Variants in FRMPD4 observed in about 807,000 individuals in gnomAD.
FRMPD4 encodes the protein FERM and PDZ domain containing 4, also known as FERM and PDZ domain-containing protein 4.
FRMPD4 carries 22 observed loss-of-function variants against 94.1 expected under a neutral mutation model. The ratio of observed to expected loss-of-function variants is 0.23; its 90% CI spans 0.17 to 0.33. The LOEUF is 0.33. Among genes scored for constraint, FRMPD4 ranks in the 10% least tolerant of loss-of-function variants. The pLI, the probability that FRMPD4 is intolerant of heterozygous loss-of-function variation, is 1.00. For missense variants in FRMPD4, 1,111 were observed against 1,339.9 expected, an observed-to-expected ratio of 0.83 and a Z score of 2.67; for synonymous variants, 631 against 548.6, an observed-to-expected ratio of 1.15 and a Z score of -2.10.
intron 1 of FRMPD4, among the ~76,000 whole-genome samples, chrX:12,211,108 A>G (rs2056751423): frequency 8.9e-6 from 1 of 112,352 alleles, no homozygotes; most frequent in Non-Finnish European, 1.9e-5. Flanking sequence ...ATGTAATATG[A>G]CAGAGTTGGA....
At chrX:11,949,012 C>T (rs1009384301) in intron 3 of FRMPD4, among the ~76,000 whole-genome samples, 2 of 111,979 alleles carry the variant, frequency 1.8e-5, no homozygotes, top group Admixed American at 1.9e-4. Context: ...CACATGAGGG[C>T]TTTGCTTAGC....
Position 12,718,300 on chromosome X carries a change from T to C in FRMPD4, c.3474T>C (p.Ser1158=). Reference sequence around the variant, plus strand: ...TCTTAACTGACGTGACCTGTGCATCTTCAGCCAAAGACTTAGATAACCCAG... The same window carrying C: ...TCTTAACTGACGTGACCTGTGCATCCTCAGCCAAAGACTTAGATAACCCAG... ...DRFLTDVTCA[S]SAKDLDNPED... is the part of the protein sequence containing the mutation. Residue 1158 remains serine (S), a synonymous_variant, in exon 16 of 17, where the codon TCT becomes TCC. Transcript: ENST00000675598. The C allele has an allele frequency of 1.7e-5, 20 of 1,211,382 alleles. No individual in the cohort carries two copies. The highest frequency in any genetic ancestry group is 2.2e-5 in the Non-Finnish European group (20 of 894,986).
At chrX:12,685,171 T>C (rs2060008689) in intron 6 of FRMPD4, among the ~76,000 whole-genome samples, 1 of 111,898 alleles carries the variant, frequency 8.9e-6, no homozygotes, top group South Asian at 3.7e-4. Context: ...AGGGACTGAA[T>C]TCTCTCTGAC....
At chrX:12,571,976 TA>T (rs2058764768) in intron 2 of FRMPD4, among the ~76,000 whole-genome samples, 1 of 112,178 alleles carries the variant, frequency 8.9e-6, no homozygotes, top group East Asian at 2.8e-4. Context: ...AAGGAAAACA[TA>T]AGATTAATTG....
At position 11,988,577 on chromosome X, in the gene FRMPD4, CA is replaced by C. The variant is rs200411054; in HGVS notation, c.95+110561del. Among the ~76,000 whole-genome samples the C allele has an allele frequency of 4.9e-4, 54 of 110,635 alleles. No homozygotes were observed. The East Asian group carries it at 0.014, about 29-fold the overall frequency. On this transcript the variant is annotated intron_variant, in intron 3 of 18. Transcript: ENST00000640291. ...GGGTGATACCAACAAGCACAGGCAACAACCAAAGCAAAAATGGACAAATGAG... is the reference window on the plus strand; with the variant it reads ...GGGTGATACCAACAAGCACAGGCAACACCAAAGCAAAAATGGACAAATGAG...
chrX:12,107,334 G>A (rs1209991816), intron 3 of FRMPD4, among the ~76,000 whole-genome samples: 2 of 112,181 alleles, frequency 1.8e-5, no homozygotes, highest in African/African-American at 6.5e-5. Context: ...CTGCAGCTGA[G>A]GGTCATGACT....
At chrX:12,182,581 T>TAAATAAATAA (rs199773710) in intron 1 of FRMPD4, among the ~76,000 whole-genome samples, 6 of 94,923 alleles carry the variant, frequency 6.3e-5, no homozygotes, top group African/African-American at 1.8e-4. Context: ...TAAATAAATA[T>TAAATAAATAA]ATATATATAT....
intron 2 of FRMPD4, among the ~76,000 whole-genome samples, chrX:12,598,937 C>G (rs1019002804): frequency 8.9e-6 from 1 of 111,802 alleles, no homozygotes; most frequent in Non-Finnish European, 1.9e-5. Context: ...ATCAACTCTC[C>G]AAAAATATCT....
At chrX:12,257,930 T>C (rs957594373) in intron 1 of FRMPD4, among the ~76,000 whole-genome samples, 2 of 109,697 alleles carry the variant, frequency 1.8e-5, no homozygotes, top group African/African-American at 6.6e-5. Flanking sequence ...CCTACTCTTA[T>C]TCCTCTTTTG....
intron 1 of FRMPD4, among the ~76,000 whole-genome samples, chrX:12,218,381 TG>T (rs2056829637): frequency 9.0e-6 from 1 of 111,581 alleles, no homozygotes; most frequent in Admixed American, 9.5e-5. Context: ...AGCATGGGCT[TG>T]GGGGTGGTAG....
At chrX:12,558,677 A>G (rs111333510) in intron 2 of FRMPD4, among the ~76,000 whole-genome samples, 42 of 112,099 alleles carry the variant, frequency 3.7e-4, no homozygotes, top group African/African-American at 1.3e-3. Context: ...TCCACATGAA[A>G]AGGCTAAGCA....
chrX:11,985,951 C>T (rs2054427135), intron 3 of FRMPD4, among the ~76,000 whole-genome samples: 1 of 112,538 alleles, frequency 8.9e-6, no homozygotes, highest in African/African-American at 3.2e-5. Context: ...CTGGACTTGC[C>T]TGGGGCCTGG....
intron 4 of FRMPD4, among the ~76,000 whole-genome samples, chrX:12,663,977 G>A: frequency 8.9e-6 from 1 of 112,033 alleles, no homozygotes; most frequent in Non-Finnish European, 1.9e-5. Context: ...GTGAATGGGA[G>A]TTCACTCATG....
At chrX:12,373,199 G>T (rs1178722572) in intron 1 of FRMPD4, 1 of 112,500 alleles carries the variant, frequency 8.9e-6, no homozygotes, top group African/African-American at 3.2e-5. Context: ...CACCCAGTTT[G>T]CTCTGTGTGT....
At chrX:12,006,545 G>T (rs1006989568) in intron 3 of FRMPD4, among the ~76,000 whole-genome samples, 1 of 111,920 alleles carries the variant, frequency 8.9e-6, no homozygotes, top group Non-Finnish European at 1.9e-5. Context: ...ATGCATAGTT[G>T]GAAATGTCAT....
chrX:12,530,491 G>A (rs2058273505), intron 2 of FRMPD4, among the ~76,000 whole-genome samples: 1 of 111,468 alleles, frequency 9.0e-6, no homozygotes, highest in Non-Finnish European at 1.9e-5. Context: ...CAGAAGCAGG[G>A]TGGAGAATTT....
intron 1 of FRMPD4, among the ~76,000 whole-genome samples, chrX:11,839,163 A>G (rs373453082): frequency 4.4e-4 from 49 of 111,679 alleles, no homozygotes; most frequent in African/African-American, 1.5e-3. Flanking sequence ...TTTAAATTTT[A>G]AGGAAACTGC....
At chrX:11,961,103 C>A (rs1018535316) in intron 3 of FRMPD4, among the ~76,000 whole-genome samples, 1 of 111,664 alleles carries the variant, frequency 9.0e-6, no homozygotes, top group Non-Finnish European at 1.9e-5. Flanking sequence ...TCTATAGTCA[C>A]TTCAGGTTGC....
chrX:11,923,794 G>A, intron 3 of FRMPD4, among the ~76,000 whole-genome samples: 1 of 112,359 alleles, frequency 8.9e-6, no homozygotes, highest in Non-Finnish European at 1.9e-5. Context: ...GCAACCTCAA[G>A]GGTTGGAGGC....
Sources: gnomAD v4.1 joint callset for allele counts (sites outside exome capture counted in the v4.1 genomes callset) on GRCh38, gnomAD v4.1.1 for gene constraint, MANE v1.5 for transcripts, NCBI Gene and HGNC (gene_info 2026-07-23, HGNC 2026-07-21) for gene names.